The following KSR2 variants were observed in gnomAD, a reference collection of about 807,000 sequenced individuals.
The protein encoded by KSR2 is kinase suppressor of ras 2.
A neutral mutation model predicts 107.8 loss-of-function variants in KSR2; 25 were observed. That is an observed-to-expected ratio of 0.23 (90% CI 0.17 to 0.32). The LOEUF (loss-of-function observed/expected upper bound fraction) is 0.32. Ranked by LOEUF, KSR2 falls within the 10% of genes least tolerant of loss-of-function variation. The pLI, the probability that KSR2 is intolerant of heterozygous loss-of-function variation, is 1.00. For synonymous variants in KSR2, 480 were observed against 507.0 expected (o/e 0.95, Z 0.71); for missense variants, 887 against 1,268.9 (o/e 0.70, Z 4.57).
intron 3 of KSR2, among the ~76,000 whole-genome samples, chr12:117,840,428 C>A (rs78443830): frequency 6.6e-6 from 1 of 151,936 alleles, no homozygotes; most frequent in Non-Finnish European, 1.5e-5. Context: ...TGGAATCTTG[C>A]TCTGTTGCCC....
intron 1 of KSR2, among the ~76,000 whole-genome samples, chr12:117,863,081 T>C (rs1308324414): frequency 6.6e-6 from 1 of 152,044 alleles, no homozygotes; most frequent in Non-Finnish European, 1.5e-5. Flanking sequence ...TCAAGGAACC[T>C]CCCTTCTTTG....
At chr12:117,517,659 A>T in intron 14 of KSR2, 1 of 360,798 alleles carries the variant, frequency 2.8e-6, no homozygotes, top group South Asian at 2.2e-5. Flanking sequence ...CAAAAGTCCC[A>T]GGGTGCTTTA....
rs1221411915 is a variant in KSR2, at chr12:117,785,884, C to A, written c.473-24360G>T. On this transcript the variant is annotated intron_variant, in intron 3 of 19. Transcript: ENST00000339824. ...AAGGATTGGTGCAGAATAAAAACAA[C>A]AAAAAACAAAACAAAACTCTTAAAG... 2.0e-5 allele frequency among the ~76,000 whole-genome samples: 3 copies of A among 152,024 alleles called. No homozygotes were observed. In the South Asian group the frequency reaches 6.2e-4, roughly 32 times the overall value.
rs962629134 is a variant in KSR2, at chr12:117,865,323, C to T, written c.181-4892G>A. ...TTATAGAAATTACATGAAAGATATACAAACTTACATCATTGGCAATATCTG... is the reference window on the plus strand; with the variant it reads ...TTATAGAAATTACATGAAAGATATATAAACTTACATCATTGGCAATATCTG... On this transcript the variant is annotated intron_variant, in intron 1 of 19. Coordinates refer to ENST00000339824, the MANE Select transcript of KSR2 (RefSeq NM_173598.6). Among the ~76,000 whole-genome samples, 70 of 152,138 alleles carry T rather than the reference C, an allele frequency of 4.6e-4. 3 individuals carry two copies. Among genetic ancestry groups the T allele is most frequent in the Non-Finnish European group, 1.5e-5 (1 of 68,026 alleles).
intron 4 of KSR2, among the ~76,000 whole-genome samples, chr12:117,724,442 A>G (rs1201104662): frequency 6.6e-6 from 1 of 152,116 alleles, no homozygotes; most frequent in Non-Finnish European, 1.5e-5. Flanking sequence ...TAAAAACTAC[A>G]CTTTTTCTAA....
chr12:117,508,274 G>A (rs1009578086), intron 14 of KSR2, among the ~76,000 whole-genome samples: 11 of 152,170 alleles, frequency 7.2e-5, no homozygotes, highest in African/African-American at 2.7e-4. Context: ...GCCTTCCCAT[G>A]CTACTGGCCA....
At chr12:117,573,485 C>T (rs1375880417) in intron 7 of KSR2, among the ~76,000 whole-genome samples, 5 of 148,934 alleles carry the variant, frequency 3.4e-5, no homozygotes, top group African/African-American at 1.2e-4. Flanking sequence ...CAAATATAGG[C>T]GTGTCTGACC....
Position 117,769,659 on chromosome 12 carries a change from A to C in KSR2, c.473-8135T>G, listed in dbSNP as rs144835666. ...CAATGTTGTATAAATGTTCATGTAC[A>C]AAGAGTGTAAAACCATCTGTTTCAC... On this transcript the variant is annotated intron_variant, in intron 3 of 19. Transcript: ENST00000339824. Among the ~76,000 whole-genome samples, 8 of 152,360 alleles carry C rather than the reference A, an allele frequency of 5.3e-5. No individual in the cohort carries two copies. The East Asian group carries it at 1.5e-3, about 29-fold the overall frequency.
At chr12:117,525,600 T>A (rs1324501937) in intron 13 of KSR2, among the ~76,000 whole-genome samples, 1 of 152,218 alleles carries the variant, frequency 6.6e-6, no homozygotes, top group Non-Finnish European at 1.5e-5. Flanking sequence ...GAAGAGGGAC[T>A]AAGATCCAGG....
chr12:117,652,809 TA>T (rs1883959564), intron 5 of KSR2, among the ~76,000 whole-genome samples: 1 of 152,092 alleles, frequency 6.6e-6, no homozygotes, highest in African/African-American at 2.4e-5. Flanking sequence ...GGAGGTCAGG[TA>T]ATTAATGGAG....
intron 3 of KSR2, among the ~76,000 whole-genome samples, chr12:117,794,233 G>A (rs1566018817): frequency 3.9e-5 from 3 of 77,816 alleles, no homozygotes; most frequent in East Asian, 6.1e-4. Flanking sequence ...ACACCAACAT[G>A]CACACTCACA....
intron 4 of KSR2, among the ~76,000 whole-genome samples, chr12:117,755,389 T>C (rs562838425): frequency 6.6e-6 from 1 of 152,368 alleles, no homozygotes; most frequent in African/African-American, 2.4e-5. Flanking sequence ...TGTCACATTT[T>C]GGTCATTCTA....
In KSR2 at chr12:117,549,731, C is replaced by A. The variant is rs553935300; in HGVS notation, c.1518+5438G>T. 4.6e-5 allele frequency among the ~76,000 whole-genome samples: 7 copies of A among 152,088 alleles called. No homozygotes were observed. In the South Asian group the frequency reaches 1.5e-3, roughly 32 times the overall value. ...TGTTACTTACTCATCTTGGAATCTG[C>A]AAAACTAAGCACAGAAACAAAAACA... On this transcript the variant is annotated intron_variant, in intron 9 of 19. Coordinates refer to ENST00000339824, the MANE Select transcript of KSR2 (RefSeq NM_173598.6).
At chr12:117,898,142 G>C (rs1894570111) in intron 1 of KSR2, among the ~76,000 whole-genome samples, 1 of 152,116 alleles carries the variant, frequency 6.6e-6, no homozygotes, top group Non-Finnish European at 1.5e-5. Flanking sequence ...CACTTCAAAA[G>C]AGTAACGGGA....
chr12:117,796,141 T>C (rs908237807), intron 3 of KSR2, among the ~76,000 whole-genome samples: 10 of 152,122 alleles, frequency 6.6e-5, no homozygotes, highest in Non-Finnish European at 1.2e-4. Flanking sequence ...AGCTTCCCCA[T>C]GCTGGCCTTG....
intron 3 of KSR2, among the ~76,000 whole-genome samples, chr12:117,793,759 C>T (rs1352498976): frequency 2.7e-5 from 4 of 146,984 alleles, no homozygotes; most frequent in African/African-American, 7.6e-5. Flanking sequence ...TATACACCAA[C>T]ATGCACACAT....
chr12:117,929,918 C>T (rs1315015561), intron 1 of KSR2, among the ~76,000 whole-genome samples: 1 of 152,118 alleles, frequency 6.6e-6, no homozygotes, highest in African/African-American at 2.4e-5. Context: ...TGATGAAAAA[C>T]TTTTGGTGAT....
At chr12:117,503,375 T>C (rs1466620960) in intron 14 of KSR2, among the ~76,000 whole-genome samples, 1 of 152,238 alleles carries the variant, frequency 6.6e-6, no homozygotes, top group Non-Finnish European at 1.5e-5. Context: ...CCAATCTCTT[T>C]GCAGTTATGT....
chr12:117,555,212 A>C lies in KSR2; in HGVS notation c.1475T>G (p.Leu492Arg). ...PLRKPPRYSDLHISQTLPKTN... is the reference protein window; with the variant it reads ...PLRKPPRYSDRHISQTLPKTN... ...TTTGGGGAGCGTCTGACTGATGTGCAGGTCTGAATAGCGAGGTGGCTTCCG... is the reference window on the plus strand; with the variant it reads ...TTTGGGGAGCGTCTGACTGATGTGCCGGTCTGAATAGCGAGGTGGCTTCCG... The change falls in exon 9 of 20, where the codon CTG becomes CGG. Residue 492 changes from leucine (L) to arginine (R), a missense_variant. Transcript: ENST00000339824. 3.7e-6 allele frequency: 6 copies of C among 1,613,960 alleles called. No individual in the cohort carries two copies. The highest frequency in any genetic ancestry group is 5.1e-6 in the Non-Finnish European group (6 of 1,179,884).
Sources: gnomAD v4.1 joint callset for allele counts (sites outside exome capture counted in the v4.1 genomes callset) on GRCh38, gnomAD v4.1.1 for gene constraint, MANE v1.5 for transcripts, NCBI Gene and HGNC (gene_info 2026-07-23, HGNC 2026-07-21) for gene names.